The following OR14I1 variants were observed in gnomAD, a reference collection of about 807,000 sequenced individuals.
OR14I1 encodes olfactory receptor family 14 subfamily I member 1, also known as olfactory receptor 14I1.
For synonymous variants in OR14I1, 118 were observed against 71.1 expected (o/e 1.66, Z -3.32); for missense variants, 279 against 181.8 (o/e 1.53, Z -3.07).
At chr1:248,681,876 T>A (rs1396312758) in exon 1 of OR14I1, 2 of 781,068 alleles carry the variant, frequency 2.6e-6, no homozygotes, top group South Asian at 2.7e-5. Context: ...AGGTGGTGAC[T>A]GCCATCTGAT....
the OR14I1 span, among the ~76,000 whole-genome samples, chr1:248,698,108 G>A: frequency 6.6e-6 from 1 of 152,162 alleles, no homozygotes; most frequent in Non-Finnish European, 1.5e-5. Flanking sequence ...TGACGCTGGG[G>A]AGCTCCACCT....
At chr1:248,683,555 A>C (rs1661597065), upstream of OR14I1, among the ~76,000 whole-genome samples, 1 of 152,268 alleles carries the variant, frequency 6.6e-6, no homozygotes, top group Non-Finnish European at 1.5e-5. Flanking sequence ...AATGTTATTT[A>C]TAAGACAGGT....
At chr1:248,681,995 C>T in exon 1 of OR14I1, 1 of 780,874 alleles carries the variant, frequency 1.3e-6, no homozygotes, top group South Asian at 1.3e-5. Context: ...GATGCAAAGG[C>T]AGAGAAAAAA....
At chr1:248,700,873 A>G in the OR14I1 span, among the ~76,000 whole-genome samples, 1 of 152,214 alleles carries the variant, frequency 6.6e-6, no homozygotes, top group Admixed American at 6.5e-5. Context: ...GCCAATGCTC[A>G]TTGGGTGAAT....
chr1:248,693,426 AC>A, the OR14I1 span, among the ~76,000 whole-genome samples: 1 of 152,142 alleles, frequency 6.6e-6, no homozygotes, highest in African/African-American at 2.4e-5. Flanking sequence ...CCTGCCCCAT[AC>A]TGGTGGACCA....
chr1:248,686,883 A>G (rs1342170025), upstream of OR14I1, among the ~76,000 whole-genome samples: 1 of 152,236 alleles, frequency 6.6e-6, no homozygotes, highest in African/African-American at 2.4e-5. Flanking sequence ...CCAATTTAAC[A>G]TGCAAACTCA....
chr1:248,685,836 T>C (rs966881845), upstream of OR14I1, among the ~76,000 whole-genome samples: 4 of 151,418 alleles, frequency 2.6e-5, no homozygotes, highest in Non-Finnish European at 5.9e-5. Flanking sequence ...TACTGTTTAT[T>C]GAAAAGTTAT....
chr1:248,678,914 C>A (rs61834345), downstream of OR14I1, among the ~76,000 whole-genome samples: 22,214 of 152,104 alleles, frequency 0.15, 1,746 homozygotes, highest in African/African-American at 0.19. Context: ...GTCATAGAAG[C>A]AGCTCAGAAG....
At chr1:248,698,450 A>G in the OR14I1 span, among the ~76,000 whole-genome samples, 5 of 152,200 alleles carry the variant, frequency 3.3e-5, no homozygotes, top group African/African-American at 9.7e-5. Context: ...AAATTTACAA[A>G]GAGTCTACAT....
chr1:248,685,914 G>A (rs1174317999), upstream of OR14I1, among the ~76,000 whole-genome samples: 1 of 151,444 alleles, frequency 6.6e-6, no homozygotes, highest in South Asian at 2.1e-4. Context: ...AAATCTATAG[G>A]GATGCAAACA....
chr1:248,690,280 A>C, the OR14I1 span, among the ~76,000 whole-genome samples: 1 of 152,196 alleles, frequency 6.6e-6, no homozygotes, highest in Non-Finnish European at 1.5e-5. Flanking sequence ...AAAAACAATG[A>C]AATCAGGAGC....
At chr1:248,686,843 T>C (rs1343057744), upstream of OR14I1, among the ~76,000 whole-genome samples, 1 of 152,202 alleles carries the variant, frequency 6.6e-6, no homozygotes, top group African/African-American at 2.4e-5. Context: ...GTTCTGAAGT[T>C]TTCCTCTGTG....
chr1:248,678,526 A>G (rs1438799780), downstream of OR14I1, among the ~76,000 whole-genome samples: 1 of 152,258 alleles, frequency 6.6e-6, no homozygotes, highest in Non-Finnish European at 1.5e-5. Context: ...AATAATCCAC[A>G]GGACAAACAG....
exon 1 of OR14I1, chr1:248,682,079 C>G (rs1442787467): frequency 1.3e-6 from 1 of 781,046 alleles, no homozygotes; most frequent in Non-Finnish European, 2.4e-6. Context: ...GATTTAGGCA[C>G]AGTGACTGAG....
At chr1:248,692,971 T>G in the OR14I1 span, among the ~76,000 whole-genome samples, 2 of 152,158 alleles carry the variant, frequency 1.3e-5, no homozygotes, top group East Asian at 3.8e-4. Context: ...CAGTGAAACG[T>G]GAATCATGAG....
upstream of OR14I1, among the ~76,000 whole-genome samples, chr1:248,684,777 T>TATATATATATATATATATATATAC (rs1422306238): frequency 1.4e-5 from 2 of 147,882 alleles, no homozygotes; most frequent in African/African-American, 5.0e-5. Context: ...TATATATATA[T>TATATATATATATATATATATATAC]ACACACACAC....
exon 1 of OR14I1, chr1:248,681,648 G>A (rs1448319321): frequency 1.3e-6 from 1 of 781,064 alleles, no homozygotes; most frequent in South Asian, 1.3e-5. Flanking sequence ...CCGTTGAGAA[G>A]ATTTGGAAAT....
upstream of OR14I1, among the ~76,000 whole-genome samples, chr1:248,682,919 G>A (rs1366063944): frequency 6.6e-6 from 1 of 152,148 alleles, no homozygotes; most frequent in African/African-American, 2.4e-5. Flanking sequence ...AATTTATTTT[G>A]TGTCAATGTG....
upstream of OR14I1, among the ~76,000 whole-genome samples, chr1:248,686,714 A>T (rs542071571): frequency 1.4e-5 from 2 of 148,134 alleles, no homozygotes; most frequent in East Asian, 4.1e-4. Flanking sequence ...CATGTAGACA[A>T]ATTCAATTTC....
Sources: allele counts gnomAD v4.1 joint callset (sites outside exome capture counted in the v4.1 genomes callset), GRCh38; gene constraint gnomAD v4.1.1; transcripts MANE v1.5; gene names NCBI Gene and HGNC (gene_info 2026-07-23, HGNC 2026-07-21).